The following PIK3CA variants were observed in gnomAD, a reference collection of about 807,000 sequenced individuals.
PIK3CA encodes the protein phosphatidylinositol 4,5-bisphosphate 3-kinase catalytic subunit alpha isoform.
Under a neutral mutation model 138.2 loss-of-function variants are expected in PIK3CA, and 27 were observed. That is an observed-to-expected ratio of 0.20 (90% CI 0.14 to 0.27). The LOEUF is 0.27. Ranked by LOEUF, PIK3CA falls within the 10% of genes least tolerant of loss-of-function variation. PIK3CA has a pLI of 1.00. For synonymous variants in PIK3CA, 358 were observed against 413.2 expected, an observed-to-expected ratio of 0.87 and a Z score of 1.62; for missense variants, 544 against 1,277.4, an observed-to-expected ratio of 0.43 and a Z score of 8.75.
intron 1 of PIK3CA, among the ~76,000 whole-genome samples, chr3:179,191,682 G>T (rs112983290): frequency 0.051 from 7,763 of 152,158 alleles, 206 homozygotes; most frequent in Non-Finnish European, 0.057. Context: ...TGTTGCCCAG[G>T]CTAGAGTGCA....
intron 9 of PIK3CA, among the ~76,000 whole-genome samples, chr3:179,212,163 A>G (rs1724729688): frequency 6.6e-6 from 1 of 151,772 alleles, no homozygotes; most frequent in East Asian, 2.0e-4. Flanking sequence ...ATGCGCCACC[A>G]TGCCCAGCTA....
intron 17 of PIK3CA, 21 bp downstream of exon 17, chr3:179,226,061 C>T (rs374145142): frequency 7.5e-7 from 1 of 1,338,448 alleles, no homozygotes; most frequent in Middle Eastern, 1.8e-4. Context: ...AGTAAGGCAA[C>T]CTGTATGTTG....
chr3:179,221,328 C>T (rs2108414281), intron 14 of PIK3CA, among the ~76,000 whole-genome samples, 171 bp downstream of exon 14: 1 of 152,236 alleles, frequency 6.6e-6, no homozygotes, highest in Non-Finnish European at 1.5e-5. Flanking sequence ...TGCAGGCTCT[C>T]AGGACTCATT....
At chr3:179,148,352 G>A (rs1722907001), upstream of PIK3CA, 1 of 151,922 alleles carries the variant, frequency 6.6e-6, no homozygotes, top group East Asian at 1.9e-4. Flanking sequence ...GAAGTAGAAA[G>A]CGGCAGTTCC....
chr3:179,212,276 G>A (rs1576939634), intron 9 of PIK3CA, among the ~76,000 whole-genome samples: 1 of 149,148 alleles, frequency 6.7e-6, no homozygotes, highest in Non-Finnish European at 1.5e-5. Flanking sequence ...CCAAAGTGCT[G>A]GGATTACAGG....
At chr3:179,200,833 G>A (rs1049273986) in intron 3 of PIK3CA, among the ~76,000 whole-genome samples, 6 of 151,962 alleles carry the variant, frequency 3.9e-5, no homozygotes, top group Non-Finnish European at 5.9e-5. Flanking sequence ...CTCTCCCCTC[G>A]TAATTTTCTT....
intron 14 of PIK3CA, among the ~76,000 whole-genome samples, chr3:179,223,090 G>T (rs1195354741): frequency 1.3e-5 from 2 of 152,166 alleles, no homozygotes; most frequent in Admixed American, 6.5e-5. Flanking sequence ...GTGTTTTGTT[G>T]TAACAATGAG....
chr3:179,207,331 G>A (rs1458044658), intron 6 of PIK3CA, among the ~76,000 whole-genome samples: 1 of 152,118 alleles, frequency 6.6e-6, no homozygotes, highest in Non-Finnish European at 1.5e-5. Flanking sequence ...TTGAGCATGT[G>A]TATATGTGTG....
intron 1 of PIK3CA, among the ~76,000 whole-genome samples, chr3:179,190,757 A>T (rs1724113192): frequency 6.6e-6 from 1 of 152,184 alleles, no homozygotes. Context: ...TTAACAGGAG[A>T]AAAGGCATGT....
At position 179,219,396 on chromosome 3, in the gene PIK3CA, G is replaced by A; in HGVS notation, c.1746+119G>A. ...AATAGACTAATAGTAATATAGTGTA[G>A]AAAAAAACACCCTTAACATTATTTC... On this transcript the variant is annotated intron_variant, in intron 11 of 20. Coordinates refer to ENST00000263967, the MANE Select transcript of PIK3CA (RefSeq NM_006218.4). The surrounding 1 kb of genome is among the most constrained non-coding windows in gnomAD (Gnocchi z 4.2). The A allele has an allele frequency of 2.7e-6, 2 of 734,172 alleles. No individual in the cohort carries two copies. Among genetic ancestry groups the A allele is most frequent in the Non-Finnish European group, 2.2e-6 (1 of 444,760 alleles). 45.5% of individuals were successfully genotyped at this position (734,172 alleles called of 1,614,324 possible). A position where few individuals can be genotyped will look rare whatever the true frequency, so the allele number is the denominator to read the frequency against.
rs1262394031 is a variant in PIK3CA at position 179,203,725 on chromosome 3, G to A, written c.995G>A (p.Ser332Asn). 3 of 1,612,504 alleles carry A rather than the reference G, an allele frequency of 1.9e-6. No homozygotes were observed. Among genetic ancestry groups the A allele is most frequent in the Non-Finnish European group, 1.7e-6 (2 of 1,179,130 alleles). ...TSTKSLWVIN[S>N]ALRIKILCAT... ...ACAAAATCCCTTTGGGTTATAAATA[G>A]TGCACTCAGAATAAAAATTCTTTGT... is the stretch of plus-strand genomic sequence containing the variant. Residue 332 changes from serine to asparagine, a missense_variant, in exon 5 of 21, where the codon AGT (serine) becomes AAT (asparagine). This residue lies in a region of PIK3CA where 234 missense variants were observed against 401.3 expected (regional missense o/e 0.58). Coordinates refer to ENST00000263967, the MANE Select transcript of PIK3CA (RefSeq NM_006218.4).
chr3:179,219,827 A>G lies in PIK3CA; in HGVS notation c.1911+92A>G. 1 of 1,457,922 alleles carries G rather than the reference A, an allele frequency of 6.9e-7. No homozygotes were observed. The highest frequency in any genetic ancestry group is 9.4e-7 in the Non-Finnish European group (1 of 1,067,970). 90.3% of individuals were successfully genotyped at this position (1,457,922 alleles called of 1,614,324 possible). Reference sequence around the variant, plus strand: ...TTCCTTTTAAAAAACCTACTGCACTAACTAGTTTTATGCTTAAAAAAAAAA... The same window carrying G: ...TTCCTTTTAAAAAACCTACTGCACTGACTAGTTTTATGCTTAAAAAAAAAA... On this transcript the variant is annotated intron_variant, in intron 12 of 20. Transcript: ENST00000263967. The surrounding 1 kb of genome is among the most constrained non-coding windows in gnomAD (Gnocchi z 4.2).
At position 179,224,213 on chromosome 3, in the gene PIK3CA, A is replaced by G. The variant is rs568629734; in HGVS notation, c.2294+26A>G. The G allele has an allele frequency of 1.9e-5, 21 of 1,083,310 alleles. No individual in the cohort carries two copies. In the South Asian group the frequency reaches 3.0e-4, roughly 15 times the overall value. 67.1% of individuals were successfully genotyped at this position (1,083,310 alleles called of 1,614,324 possible). A position where few individuals can be genotyped will look rare whatever the true frequency, so the allele number is the denominator to read the frequency against. The stretch of plus-strand genomic sequence containing the variant: ...GTACTTTCTTGGGGGTTTCATTGAT[A>G]TATTTAAATAAATACCTTTTCTGGA... On this transcript the variant is annotated intron_variant, in intron 15 of 20. Transcript: ENST00000263967.
intron 9 of PIK3CA, 76 bp from the exon 10 acceptor site, chr3:179,218,134 T>G: frequency 1.5e-6 from 2 of 1,320,278 alleles, no homozygotes; most frequent in Non-Finnish European, 2.0e-6. Flanking sequence ...ATTTGCTTTT[T>G]CTGTAAATCA....
In PIK3CA at chr3:179,236,216, T is replaced by C. The variant is rs1015630005; in HGVS notation, c.*1852T>C. The stretch of plus-strand genomic sequence containing the variant: ...TTAAAGGGCATAATTATTGGAAATT[T>C]AGGTATTTCACTAAAGCATGTATAT... On this transcript the variant is annotated 3_prime_UTR_variant, in exon 21 of 21. Transcript: ENST00000263967. The C allele has an allele frequency of 4.9e-6, 1 of 204,950 alleles. No homozygotes were observed. Among genetic ancestry groups the C allele is most frequent in the African/African-American group, 2.3e-5 (1 of 43,776 alleles). 12.7% of individuals were successfully genotyped at this position (204,950 alleles called of 1,614,324 possible).
chr3:179,223,611 C>T (rs1725016253), intron 14 of PIK3CA, among the ~76,000 whole-genome samples: 2 of 152,122 alleles, frequency 1.3e-5, no homozygotes, highest in South Asian at 4.1e-4. Flanking sequence ...CTTAGTTTTT[C>T]CTCTAGAACA....
At chr3:179,231,461 G>A (rs1321955036) in intron 20 of PIK3CA, among the ~76,000 whole-genome samples, 2 of 151,916 alleles carry the variant, frequency 1.3e-5, no homozygotes, top group Non-Finnish European at 2.9e-5. Flanking sequence ...GTCAACATCT[G>A]TTGTTTTTTG....
At position 179,208,134 on chromosome 3, in the gene PIK3CA, ATG is replaced by A. The variant is rs528035348; in HGVS notation, c.1146-1457_1146-1456del. Reference sequence around the variant, plus strand: ...TTCTTGCCACATTTCCCCATTTTAAATGTGTCTTGTTTCTATAAATAGACCAT... The same window carrying A: ...TTCTTGCCACATTTCCCCATTTTAAATGTCTTGTTTCTATAAATAGACCAT... On this transcript the variant is annotated intron_variant, in intron 6 of 20. Coordinates refer to ENST00000263967, the MANE Select transcript of PIK3CA (RefSeq NM_006218.4). 4.2e-3 allele frequency among the ~76,000 whole-genome samples: 633 copies of A among 152,212 alleles called. 8 individuals are homozygous for A. The highest frequency in any genetic ancestry group is 3.6e-3 in the Admixed American group (55 of 15,292).
intron 1 of PIK3CA, among the ~76,000 whole-genome samples, chr3:179,158,722 T>C (rs772170138): frequency 3.9e-5 from 6 of 152,192 alleles, no homozygotes; most frequent in African/African-American, 7.2e-5. Context: ...ACAAGTCATT[T>C]ATGTAAAAAT....
Sources: allele counts gnomAD v4.1 joint callset (sites outside exome capture counted in the v4.1 genomes callset), GRCh38; gene constraint gnomAD v4.1.1; regional missense constraint gnomAD v4.1.1; non-coding constraint Gnocchi (gnomAD v3.1); transcripts MANE v1.5; gene names NCBI Gene and HGNC (gene_info 2026-07-23, HGNC 2026-07-21).